The following FSIP2 variants were observed in gnomAD, a reference collection of about 807,000 sequenced individuals.
FSIP2 encodes fibrous sheath-interacting protein 2.
Under a neutral mutation model 510.5 loss-of-function variants are expected in FSIP2, and 367 were observed. That is an observed-to-expected ratio of 0.72 (90% CI 0.66 to 0.78). The LOEUF is 0.78. Among genes scored for constraint, FSIP2 ranks in the 30% least tolerant of loss-of-function variants. FSIP2 has a pLI of 0.00. For synonymous variants in FSIP2, 2,601 were observed against 2,732.2 expected, an observed-to-expected ratio of 0.95 and a Z score of 1.50; for missense variants, 7,594 against 7,901.7, an observed-to-expected ratio of 0.96 and a Z score of 1.48.
chr2:185,792,875 G>A lies in FSIP2; in HGVS notation c.5739G>A (p.Lys1913=). The change falls in exon 16 of 23, where the codon AAG becomes AAA. Residue 1913 remains lysine, a synonymous_variant. Coordinates refer to ENST00000424728, the MANE Select transcript of FSIP2 (RefSeq NM_173651.4). ...TCAGCGTTGCTGACAAGGAGACAAA[G>A]GTAAATCTAGCTGAAGATATTGTAC... ...SRFSVADKET[K]VNLAEDIVQA... is the part of the protein sequence containing the mutation. 1 of 1,534,276 alleles carries A rather than the reference G, an allele frequency of 6.5e-7. No individual in the cohort carries two copies. Among genetic ancestry groups the A allele is most frequent in the African/African-American group, 1.4e-5 (1 of 72,990 alleles).
chr2:185,787,350 G>A (rs1377012881), intron 15 of FSIP2, among the ~76,000 whole-genome samples: 1 of 151,636 alleles, frequency 6.6e-6, no homozygotes, highest in African/African-American at 2.4e-5. Flanking sequence ...TTCCTGGGGT[G>A]CTCCTCAAAT....
intron 13 of FSIP2, among the ~76,000 whole-genome samples, chr2:185,781,674 C>CTA (rs899043857): frequency 6.6e-6 from 1 of 152,128 alleles, no homozygotes; most frequent in African/African-American, 2.4e-5. Flanking sequence ...GAAAGTTCTC[C>CTA]TATCTCTTTG....
chr2:185,804,872 A>G lies in FSIP2; in HGVS notation c.15566A>G (p.Asn5189Ser). The change falls in exon 17 of 23, where the codon AAT (asparagine) becomes AGT (serine). Residue 5189 changes from asparagine to serine, a missense_variant. By Grantham distance (46) the Asn-to-Ser change is conservative. Transcript: ENST00000424728. Reference protein sequence around the residue: ...AESMQLEPIENLVDSICNNIL... With the variant: ...AESMQLEPIESLVDSICNNIL... ...AGTATGCAGTTAGAACCTATTGAAAATTTGGTCGACTCCATATGTAATAAT... is the reference window on the plus strand; with the variant it reads ...AGTATGCAGTTAGAACCTATTGAAAGTTTGGTCGACTCCATATGTAATAAT... 6.6e-7 allele frequency: 1 copy of G among 1,523,418 alleles called. No homozygotes were observed. The highest frequency in any genetic ancestry group is 1.2e-5 in the South Asian group (1 of 81,690). The allele number at this position is 1,523,418 out of a possible 1,614,324, so 94.4% of individuals were successfully genotyped here.
intron 13 of FSIP2, among the ~76,000 whole-genome samples, chr2:185,767,806 T>A (rs900516426): frequency 6.6e-6 from 1 of 152,166 alleles, no homozygotes; most frequent in African/African-American, 2.4e-5. Context: ...TGAATAATGC[T>A]GCAGTAAACA....
At chr2:185,821,756 T>G (rs1276062626) in intron 19 of FSIP2, among the ~76,000 whole-genome samples, 3 of 150,908 alleles carry the variant, frequency 2.0e-5, no homozygotes. Flanking sequence ...AAACCCCATC[T>G]CTCCAAAAAA....
chr2:185,746,658 C>G lies in FSIP2; in HGVS notation c.618-11C>G, dbSNP rs1692039359. On this transcript the variant is annotated splice_polypyrimidine_tract_variant and intron_variant, in intron 5 of 22. Transcript: ENST00000424728. ...CAATTCACCTTTAGCAATATTTGCA[C>G]TCTTACTCAGATATTTGGATATGAT... is the stretch of plus-strand genomic sequence containing the variant. 3 of 1,500,006 alleles carry G rather than the reference C, an allele frequency of 2.0e-6. No homozygotes were observed. The highest frequency in any genetic ancestry group is 2.7e-6 in the Non-Finnish European group (3 of 1,132,002). 92.9% of individuals were successfully genotyped at this position (1,500,006 alleles called of 1,614,324 possible).
chr2:185,777,776 A>G (rs1692759108), intron 13 of FSIP2, among the ~76,000 whole-genome samples: 1 of 152,134 alleles, frequency 6.6e-6, no homozygotes, highest in African/African-American at 2.4e-5. Flanking sequence ...TTAGGATTTT[A>G]GCATCTAGGT....
chr2:185,763,247 T>C lies in FSIP2; in HGVS notation c.1305T>C (p.Phe435=). ...CGCAGGTATCACCCACGAGAAATTT[T>C]TCCAGAGTTTCACAGGCATTTTTGG... ...ISAQVSPTRN[F]SRVSQAFLDP... is the part of the protein sequence containing the mutation. The change falls in exon 12 of 23, where the codon TTT becomes TTC. Residue 435 remains phenylalanine (F), a synonymous_variant. Transcript: ENST00000424728. The C allele has an allele frequency of 1.3e-6, 2 of 1,522,108 alleles. No individual in the cohort carries two copies. The highest frequency in any genetic ancestry group is 1.8e-6 in the Non-Finnish European group (2 of 1,134,764). 94.3% of individuals were successfully genotyped at this position (1,522,108 alleles called of 1,614,324 possible).
intron 11 of FSIP2, among the ~76,000 whole-genome samples, chr2:185,762,815 C>G (rs1366207295): frequency 2.6e-5 from 4 of 151,322 alleles, no homozygotes; most frequent in Non-Finnish European, 5.9e-5. Flanking sequence ...CTTCCTAAAT[C>G]ACAGCTTTGT....
chr2:185,740,895 C>T (rs1042720685), intron 2 of FSIP2, among the ~76,000 whole-genome samples: 5 of 152,022 alleles, frequency 3.3e-5, no homozygotes, highest in Non-Finnish European at 4.4e-5. Flanking sequence ...ATTTTGGGGG[C>T]ATACAGTCAA....
chr2:185,830,798 A>G (rs1482555973), intron 21 of FSIP2, among the ~76,000 whole-genome samples: 1 of 151,828 alleles, frequency 6.6e-6, no homozygotes, highest in Non-Finnish European at 1.5e-5. Flanking sequence ...TTTTAGATGA[A>G]GGATTCTCAG....
At chr2:185,741,299 T>C (rs1544711) in intron 2 of FSIP2, among the ~76,000 whole-genome samples, 82,458 of 151,742 alleles carry the variant, frequency 0.54, 22,639 homozygotes, top group South Asian at 0.64. Flanking sequence ...AGTCACCATA[T>C]AATTTCTCAG....
intron 13 of FSIP2, among the ~76,000 whole-genome samples, chr2:185,769,744 T>G (rs1008976173): frequency 6.6e-6 from 1 of 152,226 alleles, no homozygotes; most frequent in Non-Finnish European, 1.5e-5. Context: ...CCAAGGTTTT[T>G]ATAAATAGAG....
chr2:185,761,837 C>A (rs900293826), intron 10 of FSIP2, 135 bp from the exon 11 acceptor site: 2 of 486,834 alleles, frequency 4.1e-6, no homozygotes, highest in Admixed American at 3.5e-5. Flanking sequence ...TGTATTTTAC[C>A]TAAACAGTTT....
intron 13 of FSIP2, among the ~76,000 whole-genome samples, chr2:185,774,739 A>T: frequency 1.2e-5 from 1 of 85,946 alleles, no homozygotes. Flanking sequence ...CCCTCCCCCC[A>T]CCCCACAACA....
rs1293766536 is a variant in FSIP2, at chr2:185,793,042, A to T, written c.5906A>T (p.Asp1969Val). ...STLSKALSAK[D>V]SYSDEQFSCC... ...TTGAGCAAAGCATTATCAGCCAAAG[A>T]TTCATATTCTGATGAGCAATTTTCC... The change falls in exon 16 of 23, where the codon GAT becomes GTT. Residue 1969 changes from aspartate to valine, a missense_variant. Asp to Val is a radical substitution (Grantham distance 152). Coordinates refer to ENST00000424728, the MANE Select transcript of FSIP2 (RefSeq NM_173651.4). 2.6e-6 allele frequency: 4 copies of T among 1,534,342 alleles called. No individual in the cohort carries two copies. In the South Asian group the frequency reaches 4.8e-5, roughly 18 times the overall value.
At chr2:185,751,978 A>C (rs1250647535) in intron 7 of FSIP2, among the ~76,000 whole-genome samples, 1 of 102,408 alleles carries the variant, frequency 9.8e-6, no homozygotes, top group Non-Finnish European at 2.1e-5. Context: ...TTTTATCCTG[A>C]TGTAAATAAG....
intron 7 of FSIP2, among the ~76,000 whole-genome samples, chr2:185,747,990 A>G (rs1266225679): frequency 6.6e-6 from 1 of 152,014 alleles, no homozygotes; most frequent in Admixed American, 6.6e-5. Flanking sequence ...ATAAAATGCC[A>G]TTGTCAACTT....
chr2:185,824,265 TAGGG>T (rs1693975370), intron 19 of FSIP2, among the ~76,000 whole-genome samples, 165 bp from the exon 20 acceptor site: 1 of 151,826 alleles, frequency 6.6e-6, no homozygotes, highest in Admixed American at 6.6e-5. Flanking sequence ...ATTTTAAAAG[TAGGG>T]GAAAAAGTCA....
Sources: allele counts gnomAD v4.1 joint callset (sites outside exome capture counted in the v4.1 genomes callset), GRCh38; gene constraint gnomAD v4.1.1; transcripts MANE v1.5; gene names NCBI Gene and HGNC (gene_info 2026-07-23, HGNC 2026-07-21).